MTIF2: variants seen among roughly 807,000 people sequenced by gnomAD.
The protein encoded by MTIF2 is translation initiation factor IF-2, mitochondrial.
Under a neutral mutation model 83.5 loss-of-function variants are expected in MTIF2, and 71 were observed. That is an observed-to-expected ratio of 0.85 (90% CI 0.70 to 1.04). The LOEUF is 1.04. Ranked by LOEUF, MTIF2 falls within the 50% of genes least tolerant of loss-of-function variation. MTIF2 has a pLI of 0.00. For missense variants in MTIF2, 957 were observed against 846.5 expected (o/e 1.13, Z -1.62); for synonymous variants, 319 against 287.1 (o/e 1.11, Z -1.12).
chr2:55,238,150 T>G (rs1406596727), intron 14 of MTIF2, among the ~76,000 whole-genome samples: 2 of 151,748 alleles, frequency 1.3e-5, no homozygotes, highest in East Asian at 3.9e-4. Flanking sequence ...CTCAAGCAGT[T>G]CTTCTAGATA....
rs1676933411 is a variant in MTIF2, at chr2:55,249,425, A to G, written c.951T>C (p.Asp317=). ...GTGCGGAGACAGGCACTGCTTGAAC[A>G]TCACCTCCATAATCTTCACATACCA... is the stretch of plus-strand genomic sequence containing the variant. ...YDVVCEDYGG[D]VQAVPVSALT... is the part of the protein sequence containing the mutation. Residue 317 remains aspartate (D), a synonymous_variant, in exon 9 of 16, where the codon GAT becomes GAC. Transcript: ENST00000263629. The G allele has an allele frequency of 3.1e-6, 5 of 1,614,080 alleles. No homozygotes were observed. The highest frequency in any genetic ancestry group is 1.1e-5 in the South Asian group (1 of 91,090).
intron 9 of MTIF2, among the ~76,000 whole-genome samples, chr2:55,247,518 C>A (rs1053777305): frequency 6.6e-6 from 1 of 152,104 alleles, no homozygotes; most frequent in Non-Finnish European, 1.5e-5. Flanking sequence ...TGCCACTGCT[C>A]TCCAGCCTGA....
chr2:55,263,942 T>C, intron 3 of MTIF2, 77 bp from the exon 4 acceptor site: 3 of 1,096,408 alleles, frequency 2.7e-6, no homozygotes, highest in South Asian at 1.4e-5. Context: ...ACTATATGCA[T>C]AGCACTGGAC....
At position 55,240,088 on chromosome 2, in the gene MTIF2, A is replaced by G; in HGVS notation, c.1793T>C (p.Ile598Thr). 6.2e-7 allele frequency: 1 copy of G among 1,613,856 alleles called. No individual in the cohort carries two copies. Among genetic ancestry groups the G allele is most frequent in the South Asian group, 1.1e-5 (1 of 91,060 alleles). Residue 598 changes from isoleucine to threonine, a missense_variant, in exon 14 of 16, where the codon ATA (isoleucine) becomes ACA (threonine). By Grantham distance (89) the Ile-to-Thr change is moderately conservative. Coordinates refer to ENST00000263629, the MANE Select transcript of MTIF2 (RefSeq NM_002453.3). ...CAAATCTTCAACAAGACGGTAAATT[A>G]TTTTGTGAAGTTTAATTTTTACTCC... is the stretch of plus-strand genomic sequence containing the variant. ...KKGVKIKLHKIIYRLVEDLQE... is the reference protein window; with the variant it reads ...KKGVKIKLHKTIYRLVEDLQE...
chr2:55,244,144 A>G lies in MTIF2; in HGVS notation c.1196T>C (p.Met399Thr), dbSNP rs1347878226. Residue 399 changes from methionine (M) to threonine (T), a missense_variant, in exon 11 of 16, where the codon ATG becomes ACG. Transcript: ENST00000263629. The stretch of plus-strand genomic sequence containing the variant: ...AATTGTTTTTCCATTTTCATCAAAC[A>G]TTAAGCGTACTTTTGCCCAACATTT... Reference protein sequence around the residue: ...AGKCWAKVRLMFDENGKTIDE... With the variant: ...AGKCWAKVRLTFDENGKTIDE... 1 of 1,614,056 alleles carries G rather than the reference A, an allele frequency of 6.2e-7. No individual in the cohort carries two copies. The highest frequency in any genetic ancestry group is 2.2e-5 in the East Asian group (1 of 44,888).
chr2:55,249,953 C>T (rs1676977048), intron 8 of MTIF2, among the ~76,000 whole-genome samples: 1 of 151,968 alleles, frequency 6.6e-6, no homozygotes, highest in Non-Finnish European at 1.5e-5. Context: ...ATTAGCCGGG[C>T]GTGGTGGCAT....
chr2:55,249,751 T>C (rs1228044216), intron 8 of MTIF2, among the ~76,000 whole-genome samples: 2 of 152,076 alleles, frequency 1.3e-5, no homozygotes, highest in Non-Finnish European at 2.9e-5. Context: ...AGTATAATTA[T>C]AAGCAGATTC....
intron 14 of MTIF2, 76 bp downstream of exon 14, chr2:55,239,935 C>G: frequency 2.3e-6 from 3 of 1,321,178 alleles, no homozygotes; most frequent in South Asian, 3.0e-5. Context: ...AACGTTTCCT[C>G]TAAGCTTTGC....
intron 4 of MTIF2, among the ~76,000 whole-genome samples, 168 bp downstream of exon 4, chr2:55,263,472 C>T (rs1293320264): frequency 3.9e-5 from 6 of 152,024 alleles, no homozygotes; most frequent in Admixed American, 2.0e-4. Context: ...ATAGCGGGTG[C>T]GGTGGCTAAT....
At chr2:55,260,393 T>G (rs1365510589) in intron 5 of MTIF2, among the ~76,000 whole-genome samples, 1 of 139,148 alleles carries the variant, frequency 7.2e-6, no homozygotes, top group South Asian at 2.3e-4. Flanking sequence ...AGAGTGAAAC[T>G]CTGTCTCAAA....
chr2:55,251,833 G>A (rs1183377030), intron 8 of MTIF2, among the ~76,000 whole-genome samples: 1 of 152,164 alleles, frequency 6.6e-6, no homozygotes, highest in African/African-American at 2.4e-5. Flanking sequence ...ATGTTGGTCA[G>A]GCTGGTCTCG....
intron 9 of MTIF2, among the ~76,000 whole-genome samples, chr2:55,247,138 T>C (rs1418133388): frequency 6.6e-6 from 1 of 152,188 alleles, no homozygotes; most frequent in African/African-American, 2.4e-5. Flanking sequence ...ATGTTTACTG[T>C]GCTCTCTAGG....
At chr2:55,254,980 A>T (rs2104409231) in intron 5 of MTIF2, among the ~76,000 whole-genome samples, 155 bp from the exon 6 acceptor site, 1 of 152,284 alleles carries the variant, frequency 6.6e-6, no homozygotes, top group East Asian at 1.9e-4. Context: ...GAAGCTAAAA[A>T]ATGTTTTTTA....
In MTIF2 at chr2:55,243,440, T is replaced by C. The variant is rs1032577042; in HGVS notation, c.1540A>G (p.Asn514Asp). Residue 514 changes from asparagine (N) to aspartate (D), a missense_variant, in exon 12 of 16, where the codon AAT becomes GAT. Around this residue, in one of 3 missense-constraint regions of MTIF2, gnomAD observed 733 missense variants for 648.7 expected, o/e 1.13. Coordinates refer to ENST00000263629, the MANE Select transcript of MTIF2 (RefSeq NM_002453.3). Reference sequence around the variant, plus strand: ...CCTTTAATAATCACAGAAAGTACATTTGAATCTCTTTCCCTTTTCTCTTTT... The same window carrying C: ...CCTTTAATAATCACAGAAAGTACATCTGAATCTCTTTCCCTTTTCTCTTTT... ...KPKEKRERDS[N>D]VLSVIIKGDV... is the part of the protein sequence containing the mutation. The C allele has an allele frequency of 2.5e-6, 4 of 1,608,724 alleles. No homozygotes were observed. The African/African-American group carries it at 5.4e-5, about 22-fold the overall frequency.
At chr2:55,241,742 C>G (rs1676328639) in intron 13 of MTIF2, among the ~76,000 whole-genome samples, 1 of 151,772 alleles carries the variant, frequency 6.6e-6, no homozygotes, top group East Asian at 1.9e-4. Flanking sequence ...ACTCGGGAAG[C>G]TGGGGCAGGA....
At position 55,246,446 on chromosome 2, in the gene MTIF2, C is replaced by T; in HGVS notation, c.997G>A (p.Ala333Thr). 1.2e-6 allele frequency: 2 copies of T among 1,613,604 alleles called. No homozygotes were observed. Among genetic ancestry groups the T allele is most frequent in the Non-Finnish European group, 1.7e-6 (2 of 1,179,640 alleles). ...VSALTGDNLM[A>T]LAEATVALAE... is the part of the protein sequence containing the mutation. ...AGAGCAACTGTTGCTTCTGCCAAAG[C>T]CATCAGATTATCGCCCTTTAACAAT... Residue 333 changes from alanine to threonine, a missense_variant, in exon 10 of 16, where the codon GCT becomes ACT. Transcript: ENST00000263629.
chr2:55,248,524 C>A (rs1454591258), intron 9 of MTIF2, among the ~76,000 whole-genome samples: 1 of 152,136 alleles, frequency 6.6e-6, no homozygotes, highest in Non-Finnish European at 1.5e-5. Flanking sequence ...CACTTAGCAG[C>A]AACCTCTATA....
upstream of MTIF2, chr2:55,269,246 T>A (rs911626006): frequency 3.3e-5 from 5 of 152,342 alleles, no homozygotes; most frequent in African/African-American, 1.2e-4. Flanking sequence ...GGTAGGTCAG[T>A]CCGTCCCCGC....
At chr2:55,254,915 C>T (rs923479126) in intron 5 of MTIF2, 90 bp from the exon 6 acceptor site, 3 of 666,640 alleles carry the variant, frequency 4.5e-6, no homozygotes, top group Non-Finnish European at 6.5e-6. Context: ...AAACAGTACA[C>T]TCAATGAGAG....
Sources: gnomAD v4.1 joint callset for allele counts (sites outside exome capture counted in the v4.1 genomes callset) on GRCh38, gnomAD v4.1.1 for gene constraint, gnomAD v4.1.1 regional missense constraint, MANE v1.5 for transcripts, NCBI Gene and HGNC (gene_info 2026-07-23, HGNC 2026-07-21) for gene names.